FLRT2: variants seen among roughly 807,000 people sequenced by gnomAD.
The protein encoded by FLRT2 is leucine-rich repeat transmembrane protein FLRT2.
Under a neutral mutation model 40.0 loss-of-function variants are expected in FLRT2, and 15 were observed. The ratio of observed to expected loss-of-function variants is 0.38; its 90% CI spans 0.25 to 0.58. FLRT2 has a LOEUF of 0.58. FLRT2 is among the 20% of genes least tolerant of loss of function. FLRT2 has a pLI of 0.71. For missense variants in FLRT2, 726 were observed against 840.0 expected, an observed-to-expected ratio of 0.86 and a Z score of 1.68; for synonymous variants, 380 against 336.8, an observed-to-expected ratio of 1.13 and a Z score of -1.41.
At chr14:85,582,854 A>C (rs1891452487) in intron 1 of FLRT2, among the ~76,000 whole-genome samples, 1 of 151,926 alleles carries the variant, frequency 6.6e-6, no homozygotes, top group Non-Finnish European at 1.5e-5. Flanking sequence ...ATTTTATAAG[A>C]TTCTGTGTAG....
At chr14:85,566,549 T>TTTGTGTGTG (rs1555366636) in intron 1 of FLRT2, among the ~76,000 whole-genome samples, 2 of 130,826 alleles carry the variant, frequency 1.5e-5, no homozygotes, top group Non-Finnish European at 3.5e-5. Context: ...ACTTCCATGG[T>TTTGTGTGTG]TGTGTGTGTG....
Position 85,622,670 on chromosome 14 carries a change from C to A in FLRT2, c.1156C>A (p.Leu386Ile). The change falls in exon 2 of 2, where the codon CTC becomes ATC. Residue 386 changes from leucine to isoleucine, a missense_variant. Coordinates refer to ENST00000330753, the MANE Select transcript of FLRT2 (RefSeq NM_013231.6). Reference sequence around the variant, plus strand: ...TTCTCCGACCACTCAGCCTCCCACCCTCTCTATTCCAAACCCTAGCAGAAG... The same window carrying A: ...TTCTCCGACCACTCAGCCTCCCACCATCTCTATTCCAAACCCTAGCAGAAG... ...TASPTTQPPT[L>I]SIPNPSRSYT... The A allele has an allele frequency of 6.2e-7, 1 of 1,614,018 alleles. No homozygotes were observed. The highest frequency in any genetic ancestry group is 1.1e-5 in the South Asian group (1 of 91,076).
intron 1 of FLRT2, among the ~76,000 whole-genome samples, chr14:85,588,357 C>T (rs1384044299): frequency 2.0e-5 from 3 of 152,038 alleles, no homozygotes; most frequent in Non-Finnish European, 4.4e-5. Flanking sequence ...CCCTCATCTA[C>T]CCTTCAAGGC....
rs1894015962 is a variant in FLRT2 at position 85,636,834 on chromosome 14, C to T, written c.*13337C>T. On this transcript the variant is annotated 3_prime_UTR_variant, in exon 2 of 2. Coordinates refer to ENST00000330753, the MANE Select transcript of FLRT2 (RefSeq NM_013231.6). The stretch of plus-strand genomic sequence containing the variant: ...ATCCCAGCTACTTGGGAGGCTGAGG[C>T]AGCAGAATTGCTTGAACCTGGGAGG... 1 of 146,056 alleles carries T rather than the reference C, an allele frequency of 6.8e-6. No homozygotes were observed. The highest frequency in any genetic ancestry group is 2.1e-4 in the South Asian group (1 of 4,656). The allele number at this position is 146,056 out of a possible 1,614,324, so 9.0% of individuals were successfully genotyped here.
chr14:85,634,662 A>G lies in FLRT2; in HGVS notation c.*11165A>G, dbSNP rs1566771960. On this transcript the variant is annotated 3_prime_UTR_variant, in exon 2 of 2. Coordinates refer to ENST00000330753, the MANE Select transcript of FLRT2 (RefSeq NM_013231.6). ...CTAACCTTGGTCCTTGGGCATGTAT[A>G]TGCTTCAATTTTCTCATCTGTACAT... 1 of 152,220 alleles carries G rather than the reference A, an allele frequency of 6.6e-6. No homozygotes were observed. Among genetic ancestry groups the G allele is most frequent in the Non-Finnish European group, 1.5e-5 (1 of 68,038 alleles). 9.4% of individuals were successfully genotyped at this position (152,220 alleles called of 1,614,324 possible). A position where few individuals can be genotyped will look rare whatever the true frequency, so the allele number is the denominator to read the frequency against.
Position 85,576,194 on chromosome 14 carries a change from G to A in FLRT2, c.-376-44945G>A, listed in dbSNP as rs144970798. 2.1e-3 allele frequency among the ~76,000 whole-genome samples: 327 copies of A among 152,256 alleles called. 3 individuals are homozygous for A. The highest frequency in any genetic ancestry group is 7.4e-3 in the African/African-American group (306 of 41,556). On this transcript the variant is annotated intron_variant, in intron 1 of 1. Transcript: ENST00000330753. ...TTTGAAATTCTGGCTGACCGTGGCC[G>A]CCTCAAAAACTCATGACCTCAGTTA...
rs5810265 is a variant in FLRT2, at chr14:85,621,456, TA to T, written c.-58del. 14,568 of 1,469,282 alleles carry T rather than the reference TA, an allele frequency of 9.9e-3. 944 individuals are homozygous for T. The African/African-American group carries it at 0.19, about 19-fold the overall frequency. The allele number at this position is 1,469,282 out of a possible 1,614,324, so 91.0% of individuals were successfully genotyped here. On this transcript the variant is annotated 5_prime_UTR_variant, in exon 2 of 2. Coordinates refer to ENST00000330753, the MANE Select transcript of FLRT2 (RefSeq NM_013231.6). ...ATCCAGTCATTTTGATTTTGCTGTT[TA>T]TTTTTTTTTTCTTTTTCTTTTTCCC...
At chr14:85,588,751 T>C (rs185312589) in intron 1 of FLRT2, among the ~76,000 whole-genome samples, 1 of 152,138 alleles carries the variant, frequency 6.6e-6, no homozygotes, top group Non-Finnish European at 1.5e-5. Context: ...GATACTTACT[T>C]TTCCCCCACC....
intron 1 of FLRT2, among the ~76,000 whole-genome samples, chr14:85,600,023 A>C (rs2139331703): frequency 6.6e-6 from 1 of 152,314 alleles, no homozygotes; most frequent in East Asian, 1.9e-4. Context: ...GTGTTTAGAG[A>C]CTGGAGACAA....
intron 1 of FLRT2, among the ~76,000 whole-genome samples, chr14:85,574,651 A>AT (rs112651765): frequency 1.9e-4 from 28 of 150,666 alleles, no homozygotes; most frequent in African/African-American, 2.4e-4. Flanking sequence ...TAAATTGAAG[A>AT]TTTTTTTTTT....
chr14:85,568,255 A>C lies in FLRT2; in HGVS notation c.-377+37721A>C, dbSNP rs1012428038. Among the ~76,000 whole-genome samples, 6 of 152,202 alleles carry C rather than the reference A, an allele frequency of 3.9e-5. No homozygotes were observed. The East Asian group carries it at 5.8e-4, about 15-fold the overall frequency. ...GGGGAAGATCATGGGGCTTGGAGGC[A>C]GAGCGCATAGTTTTGGCTCCAGTTC... On this transcript the variant is annotated intron_variant, in intron 1 of 1. Coordinates refer to ENST00000330753, the MANE Select transcript of FLRT2 (RefSeq NM_013231.6).
At chr14:85,592,803 A>AG (rs1261558212) in intron 1 of FLRT2, among the ~76,000 whole-genome samples, 5 of 99,818 alleles carry the variant, frequency 5.0e-5, no homozygotes, top group African/African-American at 2.0e-4. Flanking sequence ...AAAAAAAAAA[A>AG]AAAAGAAAAA....
intron 1 of FLRT2, among the ~76,000 whole-genome samples, chr14:85,548,878 T>C (rs1372846086): frequency 6.6e-6 from 1 of 152,170 alleles, no homozygotes; most frequent in African/African-American, 2.4e-5. Flanking sequence ...TCCCCCATCC[T>C]GTGCCCATAA....
intron 1 of FLRT2, among the ~76,000 whole-genome samples, chr14:85,614,958 T>G (rs975909151): frequency 1.3e-5 from 2 of 152,210 alleles, no homozygotes; most frequent in African/African-American, 4.8e-5. Context: ...CCATATACTT[T>G]TATATCTTAT....
chr14:85,548,835 T>C (rs888243368), intron 1 of FLRT2, among the ~76,000 whole-genome samples: 1 of 152,198 alleles, frequency 6.6e-6, no homozygotes, highest in Non-Finnish European at 1.5e-5. Flanking sequence ...CACCCGAATG[T>C]TGCCTTTTCC....
intron 1 of FLRT2, among the ~76,000 whole-genome samples, chr14:85,612,989 T>A (rs2753611): frequency 0.021 from 3,264 of 152,128 alleles, 61 homozygotes; most frequent in South Asian, 0.08. Context: ...GAAGTAGGCC[T>A]TGTTTATATT....
chr14:85,536,133 G>A lies in FLRT2; in HGVS notation c.-377+5599G>A, dbSNP rs570905029. Among the ~76,000 whole-genome samples the A allele has an allele frequency of 2.0e-5, 3 of 152,086 alleles. No homozygotes were observed. The South Asian group carries it at 6.3e-4, about 32-fold the overall frequency. ...TGTGATCATATACGAGTTTGACTTT[G>A]ACCGGCTGGATCTAATTTGAACCTT... On this transcript the variant is annotated intron_variant, in intron 1 of 1. Transcript: ENST00000330753.
chr14:85,548,879 G>T (rs117282173), intron 1 of FLRT2, among the ~76,000 whole-genome samples: 11,719 of 152,176 alleles, frequency 0.077, 654 homozygotes, highest in Middle Eastern at 0.12. Context: ...CCCCCATCCT[G>T]TGCCCATAAA....
chr14:85,614,137 A>G (rs535911747), intron 1 of FLRT2, among the ~76,000 whole-genome samples: 4 of 152,294 alleles, frequency 2.6e-5, no homozygotes, highest in African/African-American at 7.2e-5. Flanking sequence ...TCTCCATTTT[A>G]TATGAATTAA....
Sources: gnomAD v4.1 joint callset for allele counts (sites outside exome capture counted in the v4.1 genomes callset) on GRCh38, gnomAD v4.1.1 for gene constraint, MANE v1.5 for transcripts, NCBI Gene and HGNC (gene_info 2026-07-23, HGNC 2026-07-21) for gene names.